GALNT11: variants seen among roughly 807,000 people sequenced by gnomAD.
GALNT11 encodes the protein polypeptide N-acetylgalactosaminyltransferase 11, also known as UDP-GalNAc:polypeptide N-acetylgalactosaminyltransferase 11.
In GALNT11, 47 loss-of-function variants were observed where a neutral mutation model predicts 72.7. The ratio of observed to expected loss-of-function variants is 0.65; its 90% CI spans 0.51 to 0.82. The LOEUF is 0.82. GALNT11 is among the 40% of genes least tolerant of loss of function. The pLI is 0.00. For synonymous variants in GALNT11, 270 were observed against 286.6 expected (o/e 0.94, Z 0.58); for missense variants, 677 against 778.4 (o/e 0.87, Z 1.55).
At chr7:152,105,521 A>C in intron 5 of GALNT11, 151 bp downstream of exon 5, 1 of 1,216,686 alleles carries the variant, frequency 8.2e-7, no homozygotes, top group Non-Finnish European at 1.1e-6. Context: ...TTTGGGAAAG[A>C]CCTGTTCATA....
intron 1 of GALNT11, among the ~76,000 whole-genome samples, chr7:152,053,653 G>A (rs983180050): frequency 2.6e-5 from 4 of 152,110 alleles, no homozygotes; most frequent in African/African-American, 9.7e-5. Flanking sequence ...CGACCAAAAT[G>A]TGTAACGGTT....
intron 7 of GALNT11, among the ~76,000 whole-genome samples, chr7:152,111,086 A>G (rs1204045643): frequency 2.0e-5 from 3 of 152,184 alleles, no homozygotes; most frequent in Non-Finnish European, 4.4e-5. Flanking sequence ...AAGAGTATAC[A>G]TGTTGATCCA....
intron 1 of GALNT11, among the ~76,000 whole-genome samples, chr7:152,030,589 G>A (rs964695170): frequency 1.3e-5 from 2 of 152,088 alleles, no homozygotes; most frequent in Non-Finnish European, 2.9e-5. Context: ...GTGGCTTGCC[G>A]CCCACAATAG....
intron 1 of GALNT11, among the ~76,000 whole-genome samples, chr7:152,088,430 C>T (rs1800971666): frequency 6.6e-6 from 1 of 150,668 alleles, no homozygotes. Context: ...TATGGTTTTT[C>T]AAATATTGGA....
chr7:152,092,423 G>T (rs1019851595), intron 1 of GALNT11, among the ~76,000 whole-genome samples: 1 of 152,140 alleles, frequency 6.6e-6, no homozygotes, highest in African/African-American at 2.4e-5. Flanking sequence ...ACATAGCAGC[G>T]CTTTCACTGG....
chr7:152,103,368 G>C (rs6464202), intron 4 of GALNT11, 90 bp downstream of exon 4: 16 of 1,354,300 alleles, frequency 1.2e-5, no homozygotes, highest in Non-Finnish European at 1.6e-5. Flanking sequence ...TTTCAAGTAC[G>C]TGGTAGGTGG....
rs374246455 is a variant in GALNT11 at position 152,102,311 on chromosome 7, C to T, written c.420-801C>T. ...GTAATCCCAGCACTTTGGGAGGGCG[C>T]GGTGGGTGGATCACGAGGTCAGGAG... is the stretch of plus-strand genomic sequence containing the variant. On this transcript the variant is annotated intron_variant, in intron 3 of 11. Transcript: ENST00000430044. Among the ~76,000 whole-genome samples the T allele has an allele frequency of 4.0e-5, 6 of 151,552 alleles. 1 individual carries two copies. In the South Asian group the frequency reaches 6.3e-4, roughly 16 times the overall value.
intron 1 of GALNT11, among the ~76,000 whole-genome samples, chr7:152,082,986 ATC>A (rs2085407732): frequency 6.6e-6 from 1 of 152,124 alleles, no homozygotes. Context: ...TATTTTTAGA[ATC>A]TCTATTTGAG....
intron 2 of GALNT11, among the ~76,000 whole-genome samples, chr7:152,096,259 A>G (rs892676521): frequency 6.6e-6 from 1 of 152,216 alleles, no homozygotes; most frequent in Non-Finnish European, 1.5e-5. Flanking sequence ...TGTTGTAAAG[A>G]GGGAAAAGGT....
intron 1 of GALNT11, among the ~76,000 whole-genome samples, chr7:152,029,905 T>G (rs572772624): frequency 4.0e-4 from 61 of 152,366 alleles, no homozygotes; most frequent in Admixed American, 3.5e-3. Context: ...GGCTATGGGT[T>G]GTCAGTGGCC....
Position 152,114,474 on chromosome 7 carries a change from T to G in GALNT11, c.1233+1076T>G, listed in dbSNP as rs148542911. 3.3e-4 allele frequency among the ~76,000 whole-genome samples: 50 copies of G among 152,372 alleles called. No homozygotes were observed. The East Asian group carries it at 7.1e-3, about 22-fold the overall frequency. ...TGCCGTTCCATGTATGGGTCTGCATTCCTTTTTATTGCCAAATAATATTCC... is the reference window on the plus strand; with the variant it reads ...TGCCGTTCCATGTATGGGTCTGCATGCCTTTTTATTGCCAAATAATATTCC... On this transcript the variant is annotated intron_variant, in intron 8 of 11. Coordinates refer to ENST00000430044, the MANE Select transcript of GALNT11 (RefSeq NM_022087.4).
At chr7:152,049,206 G>A (rs1209947110) in intron 1 of GALNT11, among the ~76,000 whole-genome samples, 2 of 152,132 alleles carry the variant, frequency 1.3e-5, no homozygotes, top group African/African-American at 4.8e-5. Flanking sequence ...CCTAGGCATT[G>A]AAGAGTTAGG....
intron 1 of GALNT11, among the ~76,000 whole-genome samples, chr7:152,034,135 G>T (rs191128572): frequency 6.6e-6 from 1 of 152,312 alleles, no homozygotes; most frequent in Admixed American, 6.5e-5. Context: ...TAGCCCAGGG[G>T]TTTTTGTGGT....
chr7:152,064,772 A>T (rs2084212644), intron 1 of GALNT11, among the ~76,000 whole-genome samples: 1 of 152,204 alleles, frequency 6.6e-6, no homozygotes, highest in Non-Finnish European at 1.5e-5. Context: ...AAGAACGTTG[A>T]ATATGGTCCC....
At chr7:152,081,544 T>A (rs1176385412) in intron 1 of GALNT11, among the ~76,000 whole-genome samples, 1 of 152,240 alleles carries the variant, frequency 6.6e-6, no homozygotes, top group African/African-American at 2.4e-5. Flanking sequence ...GTTTGCTTTT[T>A]GTGCAGATTA....
chr7:152,067,371 A>G (rs1317328726), intron 1 of GALNT11, among the ~76,000 whole-genome samples: 2 of 152,102 alleles, frequency 1.3e-5, no homozygotes, highest in Non-Finnish European at 2.9e-5. Context: ...TGTCTAAATT[A>G]TTTGGAATTC....
intron 8 of GALNT11, among the ~76,000 whole-genome samples, chr7:152,116,140 CA>C (rs2088825016): frequency 6.6e-6 from 1 of 152,166 alleles, no homozygotes; most frequent in African/African-American, 2.4e-5. Context: ...TTTGGTAGAA[CA>C]GTACAATCCA....
chr7:152,111,193 A>C (rs1314370310), intron 7 of GALNT11, among the ~76,000 whole-genome samples: 1 of 152,000 alleles, frequency 6.6e-6, no homozygotes, highest in Non-Finnish European at 1.5e-5. Context: ...TCCGCTGCCC[A>C]GGTTGGAGTA....
chr7:152,082,034 A>G (rs929569345), intron 1 of GALNT11, among the ~76,000 whole-genome samples: 1 of 152,196 alleles, frequency 6.6e-6, no homozygotes, highest in African/African-American at 2.4e-5. Flanking sequence ...ACTATTATAA[A>G]TAGTCCTGTA....
Sources: gnomAD v4.1 joint callset for allele counts (sites outside exome capture counted in the v4.1 genomes callset) on GRCh38, gnomAD v4.1.1 for gene constraint, MANE v1.5 for transcripts, NCBI Gene and HGNC (gene_info 2026-07-23, HGNC 2026-07-21) for gene names.